The following LIPT1 variants were observed in gnomAD, a reference collection of about 807,000 sequenced individuals.
LIPT1 encodes lipoyltransferase 1.
In LIPT1, 22 loss-of-function variants were observed where a neutral mutation model predicts 25.1. That is an observed-to-expected ratio of 0.88 (90% CI 0.63 to 1.25). The LOEUF (loss-of-function observed/expected upper bound fraction) is 1.25, where lower values mean the gene tolerates loss of function less well. LIPT1 is among the 50% of genes most tolerant of loss of function. The pLI is 0.00. For synonymous variants in LIPT1, 131 were observed against 150.8 expected (o/e 0.87, Z 0.96); for missense variants, 399 against 432.8 (o/e 0.92, Z 0.69).
intron 1 of LIPT1, among the ~76,000 whole-genome samples, chr2:99,160,779 CAT>C (rs1187044812): frequency 6.6e-6 from 1 of 152,120 alleles, no homozygotes; most frequent in African/African-American, 2.4e-5. Flanking sequence ...GCCAGTAAAT[CAT>C]ATATCCCAAA....
intron 1 of LIPT1, 136 bp downstream of exon 1, chr2:99,155,187 C>G (rs547401151): frequency 2.5e-6 from 1 of 402,338 alleles, no homozygotes; most frequent in African/African-American, 2.1e-5. Context: ...GTTGAAGCCT[C>G]TTGTGTGCAC....
chr2:99,159,538 G>A (rs1474601984), intron 1 of LIPT1, among the ~76,000 whole-genome samples: 1 of 152,160 alleles, frequency 6.6e-6, no homozygotes, highest in African/African-American at 2.4e-5. Flanking sequence ...AGGCAGATTC[G>A]TATAACAGCT....
intron 1 of LIPT1, among the ~76,000 whole-genome samples, chr2:99,159,690 A>G (rs2093774066): frequency 6.6e-6 from 1 of 152,162 alleles, no homozygotes; most frequent in Non-Finnish European, 1.5e-5. Context: ...CTCCATAAAT[A>G]CTTGTTGAAT....
In LIPT1 at chr2:99,162,353, A is replaced by T. The variant is rs759251247; in HGVS notation, c.396A>T (p.Leu132Phe). 4 of 1,613,902 alleles carry T rather than the reference A, an allele frequency of 2.5e-6. No homozygotes were observed. The South Asian group carries it at 4.4e-5, about 18-fold the overall frequency. ...KKYDRMENLK[L>F]IVRALNAVQP... ...ATGATAGAATGGAAAATCTGAAATTAATTGTGAGAGCTCTGAATGCTGTCC... is the reference window on the plus strand; with the variant it reads ...ATGATAGAATGGAAAATCTGAAATTTATTGTGAGAGCTCTGAATGCTGTCC... The change falls in exon 2 of 2, where the codon TTA (leucine) becomes TTT (phenylalanine). Residue 132 changes from leucine to phenylalanine, a missense_variant. Coordinates refer to ENST00000651691, the MANE Select transcript of LIPT1 (RefSeq NM_145199.3).
chr2:99,156,069 CTG>C lies in LIPT1; in HGVS notation c.-2+1023_-2+1024del, dbSNP rs765131724. Among the ~76,000 whole-genome samples, 142 of 152,292 alleles carry C rather than the reference CTG, an allele frequency of 9.3e-4. 2 individuals carry two copies. The highest frequency in any genetic ancestry group is 3.4e-3 in the Middle Eastern group (1 of 294). On this transcript the variant is annotated intron_variant, in intron 1 of 1. Transcript: ENST00000651691. Reference sequence around the variant, plus strand: ...CCCTTTGTTTTCACTTTTTCTCACTCTGTGTGATTTTTTCTTATCTTTCGGGG... The same window carrying C: ...CCCTTTGTTTTCACTTTTTCTCACTCTGTGATTTTTTCTTATCTTTCGGGG...
Position 99,162,657 on chromosome 2 carries a change from G to T in LIPT1, c.700G>T (p.Glu234Ter), listed in dbSNP as rs781509281. The change falls in exon 2 of 2, where the codon GAG becomes TAG. Residue 234 changes from glutamate to a stop codon, truncating the protein, a stop_gained. Transcript: ENST00000651691. LOFTEE classifies it high-confidence loss of function. ...AGTACTAATGAATGCTGTTGCTACA[G>T]AGTATGCTGCTTATCATCAAATTGA... ...CEVLMNAVATEYAAYHQIDNH... is the reference protein window; with the variant it reads ...CEVLMNAVAT The T allele has an allele frequency of 1.2e-6, 2 of 1,614,118 alleles. No individual in the cohort carries two copies. The highest frequency in any genetic ancestry group is 1.7e-6 in the Non-Finnish European group (2 of 1,179,998).
Position 99,163,005 on chromosome 2 carries a change from A to C in LIPT1, c.1048A>C (p.Arg350=). ...ETTMLTNILL[R]TCPQDHKLNS... ...TACCATGCTAACAAATATATTACTT[A>C]GAACATGTCCACAAGACCACAAACT... is the stretch of plus-strand genomic sequence containing the variant. The change falls in exon 2 of 2, where the codon AGA becomes CGA. Residue 350 remains arginine (R), a synonymous_variant. Coordinates refer to ENST00000651691, the MANE Select transcript of LIPT1 (RefSeq NM_145199.3). The C allele has an allele frequency of 6.2e-7, 1 of 1,611,174 alleles. No individual in the cohort carries two copies. Among genetic ancestry groups the C allele is most frequent in the Non-Finnish European group, 8.5e-7 (1 of 1,178,770 alleles).
rs191474531 is a variant in LIPT1, at chr2:99,162,898, C to T, written c.941C>T (p.Ala314Val). Residue 314 changes from alanine (A) to valine (V), a missense_variant, in exon 2 of 2, where the codon GCA (alanine) becomes GTA (valine). Coordinates refer to ENST00000651691, the MANE Select transcript of LIPT1 (RefSeq NM_145199.3). The part of the protein sequence containing the change: ...NGRIEICNIE[A>V]PDHWLPLEIR... Reference sequence around the variant, plus strand: ...AGAATTGAAATTTGTAATATTGAAGCACCTGATCATTGGTTGCCATTGGAA... The same window carrying T: ...AGAATTGAAATTTGTAATATTGAAGTACCTGATCATTGGTTGCCATTGGAA... 6.3e-5 allele frequency: 102 copies of T among 1,613,090 alleles called. No homozygotes were observed. Among genetic ancestry groups the T allele is most frequent in the Non-Finnish European group, 8.1e-5 (96 of 1,179,534 alleles).
chr2:99,158,803 C>G (rs2093768663), intron 1 of LIPT1, among the ~76,000 whole-genome samples: 1 of 152,232 alleles, frequency 6.6e-6, no homozygotes, highest in African/African-American at 2.4e-5. Flanking sequence ...TGGCGCTCTA[C>G]TGTACTTAAC....
rs1431742156 is a variant in LIPT1 at position 99,162,437 on chromosome 2, T to C, written c.480T>C (p.Phe160=). The C allele has an allele frequency of 6.2e-7, 1 of 1,613,998 alleles. No individual in the cohort carries two copies. Among genetic ancestry groups the C allele is most frequent in the Admixed American group, 1.7e-5 (1 of 60,030 alleles). The change falls in exon 2 of 2, where the codon TTT becomes TTC. Residue 160 remains phenylalanine, a synonymous_variant. Transcript: ENST00000651691. The part of the protein sequence containing the change: ...KRFDLLLDGQ[F]KISGTASKIG... ...TTGACCTTTTACTTGATGGACAGTT[T>C]AAAATCTCAGGAACAGCTTCTAAGA...
At chr2:99,161,251 CAAAAAAAAAAAAAAAAAAAAAAAAAA>C (rs398042523) in intron 1 of LIPT1, among the ~76,000 whole-genome samples, 9 of 18,212 alleles carry the variant, frequency 4.9e-4, no homozygotes, top group Non-Finnish European at 6.2e-4. Flanking sequence ...GACTCCGTCT[CAAAAAAAAAAAAAAAAAAAAAAAAAA>C]AAAAAAAAAA....
intron 1 of LIPT1, among the ~76,000 whole-genome samples, chr2:99,158,374 G>C: frequency 7.0e-6 from 1 of 142,092 alleles, no homozygotes. Flanking sequence ...CAGGAGGACT[G>C]CTTGAGCCCA....
In LIPT1 at chr2:99,162,224, G is replaced by A; in HGVS notation, c.267G>A (p.Met89Ile). 1.2e-6 allele frequency: 2 copies of A among 1,613,960 alleles called. No homozygotes were observed. Among genetic ancestry groups the A allele is most frequent in the Admixed American group, 3.3e-5 (2 of 60,028 alleles). Reference sequence around the variant, plus strand: ...GGCAGGAATGTAACCTGAATCTAATGAGAGAAGAAGGTATAAAACTGGCTC... The same window carrying A: ...GGCAGGAATGTAACCTGAATCTAATAAGAGAAGAAGGTATAAAACTGGCTC... ...NPWQECNLNL[M>I]REEGIKLARR... The change falls in exon 2 of 2, where the codon ATG becomes ATA. Residue 89 changes from methionine to isoleucine, a missense_variant. Met to Ile is a conservative substitution (Grantham distance 10). Coordinates refer to ENST00000651691, the MANE Select transcript of LIPT1 (RefSeq NM_145199.3).
In LIPT1 at chr2:99,162,409, G is replaced by A. The variant is rs150683925; in HGVS notation, c.452G>A (p.Arg151Lys). The change falls in exon 2 of 2, where the codon AGA becomes AAA. Residue 151 changes from arginine to lysine, a missense_variant. Physicochemically the swap from Arg to Lys is conservative, Grantham distance 26. Coordinates refer to ENST00000651691, the MANE Select transcript of LIPT1 (RefSeq NM_145199.3). ...CAGCTGGATGTGCAGGCTACCAAAA[G>A]ATTTGACCTTTTACTTGATGGACAG... ...QPQLDVQATKRFDLLLDGQFK... is the reference protein window; with the variant it reads ...QPQLDVQATKKFDLLLDGQFK... The A allele has an allele frequency of 1.2e-4, 194 of 1,613,990 alleles. No homozygotes were observed. In the African/African-American group the frequency reaches 2.5e-3, roughly 21 times the overall value.
chr2:99,162,899 A>G lies in LIPT1; in HGVS notation c.942A>G (p.Ala314=). The G allele has an allele frequency of 1.2e-6, 2 of 1,613,336 alleles. No individual in the cohort carries two copies. The highest frequency in any genetic ancestry group is 2.2e-5 in the South Asian group (2 of 90,926). ...NGRIEICNIE[A]PDHWLPLEIR... is the part of the protein sequence containing the mutation. Reference sequence around the variant, plus strand: ...GAATTGAAATTTGTAATATTGAAGCACCTGATCATTGGTTGCCATTGGAAA... The same window carrying G: ...GAATTGAAATTTGTAATATTGAAGCGCCTGATCATTGGTTGCCATTGGAAA... Residue 314 remains alanine, a synonymous_variant, in exon 2 of 2, where the codon GCA becomes GCG. Transcript: ENST00000651691.
Position 99,162,846 on chromosome 2 carries a change from A to G in LIPT1, c.889A>G (p.Lys297Glu), listed in dbSNP as rs1160514844. ...VLYEQSHLEI[K>E]VFIDIKNGRI... is the part of the protein sequence containing the mutation. ...ATATGAACAGTCACACTTGGAAATT[A>G]AAGTATTCATAGACATAAAGAATGG... The change falls in exon 2 of 2, where the codon AAA (lysine) becomes GAA (glutamate). Residue 297 changes from lysine to glutamate, a missense_variant. Lys to Glu is a moderately conservative substitution (Grantham distance 56). Transcript: ENST00000651691. 6.2e-7 allele frequency: 1 copy of G among 1,613,382 alleles called. No individual in the cohort carries two copies. Among genetic ancestry groups the G allele is most frequent in the Non-Finnish European group, 8.5e-7 (1 of 1,179,542 alleles).
At chr2:99,161,648 G>C (rs952595622) in intron 1 of LIPT1, 1 of 202,916 alleles carries the variant, frequency 4.9e-6, no homozygotes, top group African/African-American at 2.4e-5. Context: ...GACCAGCCTG[G>C]GCAACATGGT....
At position 99,162,165 on chromosome 2, in the gene LIPT1, C is replaced by T. The variant is rs191234686; in HGVS notation, c.208C>T (p.Pro70Ser). The part of the protein sequence containing the change: ...KPILFFWQNS[P>S]SVVIGRHQNP... ...AATTCTATTCTTTTGGCAGAATTCTCCCTCTGTTGTAATTGGTAGGCATCA... is the reference window on the plus strand; with the variant it reads ...AATTCTATTCTTTTGGCAGAATTCTTCCTCTGTTGTAATTGGTAGGCATCA... Residue 70 changes from proline to serine, a missense_variant, in exon 2 of 2, where the codon CCC (proline) becomes TCC (serine). Pro to Ser is a moderately conservative substitution (Grantham distance 74). Coordinates refer to ENST00000651691, the MANE Select transcript of LIPT1 (RefSeq NM_145199.3). 7 of 1,613,922 alleles carry T rather than the reference C, an allele frequency of 4.3e-6. No homozygotes were observed. The East Asian group carries it at 1.1e-4, about 26-fold the overall frequency.
At chr2:99,159,246 G>A (rs1453300351) in intron 1 of LIPT1, among the ~76,000 whole-genome samples, 1 of 151,840 alleles carries the variant, frequency 6.6e-6, no homozygotes, top group Non-Finnish European at 1.5e-5. Flanking sequence ...TGTATTTTTA[G>A]TAGAGACGGG....
Sources: allele counts gnomAD v4.1 joint callset (sites outside exome capture counted in the v4.1 genomes callset), GRCh38; gene constraint gnomAD v4.1.1; transcripts MANE v1.5; gene names NCBI Gene and HGNC (gene_info 2026-07-23, HGNC 2026-07-21).